SLC29A3: variants seen among roughly 807,000 people sequenced by gnomAD.
SLC29A3 encodes equilibrative nucleoside transporter 3.
A neutral mutation model predicts 25.4 loss-of-function variants in SLC29A3; 18 were observed. The ratio of observed to expected loss-of-function variants is 0.71; its 90% CI spans 0.49 to 1.05. The LOEUF is 1.05. Ranked by LOEUF, SLC29A3 falls within the 50% of genes least tolerant of loss-of-function variation. SLC29A3 has a pLI of 0.00. For missense variants in SLC29A3, 586 were observed against 609.0 expected, an observed-to-expected ratio of 0.96 and a Z score of 0.40; for synonymous variants, 258 against 267.1, an observed-to-expected ratio of 0.97 and a Z score of 0.33.
chr10:71,347,294 T>C (rs1443744494), intron 3 of SLC29A3, among the ~76,000 whole-genome samples: 1 of 152,110 alleles, frequency 6.6e-6, no homozygotes, highest in Non-Finnish European at 1.5e-5. Context: ...AAATCATAAG[T>C]GGGGTCCTGA....
At chr10:71,375,893 A>G (rs901286201) in intron 4 of SLC29A3, 1 of 152,212 alleles carries the variant, frequency 6.6e-6, no homozygotes, top group African/African-American at 2.4e-5. Flanking sequence ...TTTTCATTTT[A>G]GCCAAGAAAA....
At chr10:71,321,991 A>G (rs182058010) in intron 1 of SLC29A3, among the ~76,000 whole-genome samples, 3 of 152,348 alleles carry the variant, frequency 2.0e-5, no homozygotes, top group East Asian at 1.9e-4. Flanking sequence ...AGCCCTGGAC[A>G]CTACCAGTTT....
chr10:71,378,706 G>A (rs1847279423), intron 4 of SLC29A3, among the ~76,000 whole-genome samples: 1 of 152,240 alleles, frequency 6.6e-6, no homozygotes, highest in South Asian at 2.1e-4. Flanking sequence ...CCCTCCTAGT[G>A]AGTCTGTGCT....
intron 1 of SLC29A3, among the ~76,000 whole-genome samples, chr10:71,322,135 C>T (rs1348735129): frequency 3.3e-5 from 5 of 152,082 alleles, no homozygotes; most frequent in East Asian, 1.9e-4. Context: ...TCCCCCTCCC[C>T]GCCCCCCACC....
chr10:71,362,275 C>G lies in SLC29A3; in HGVS notation c.1095C>G (p.Leu365=), dbSNP rs1381822078. ...TTGCTGACCTATGTGGCCGGCAGCT[C>G]ACCGCCTGGATCCAGGTGCCAGGGC... ...YNFADLCGRQ[L]TAWIQVPGPN... The change falls in exon 6 of 6, where the codon CTC becomes CTG. Residue 365 remains leucine (L), a synonymous_variant. Transcript: ENST00000373189. 1 of 1,614,096 alleles carries G rather than the reference C, an allele frequency of 6.2e-7. No individual in the cohort carries two copies. Among genetic ancestry groups the G allele is most frequent in the Non-Finnish European group, 8.5e-7 (1 of 1,180,042 alleles).
chr10:71,322,362 T>C (rs1381158402), intron 1 of SLC29A3, among the ~76,000 whole-genome samples: 7 of 152,144 alleles, frequency 4.6e-5, no homozygotes, highest in Non-Finnish European at 1.0e-4. Flanking sequence ...CCATTAAGGG[T>C]CCTAATTCTT....
chr10:71,328,053 C>T (rs1846013425), intron 2 of SLC29A3, among the ~76,000 whole-genome samples: 1 of 152,158 alleles, frequency 6.6e-6, no homozygotes, highest in Non-Finnish European at 1.5e-5. Context: ...TTCTCCTGGC[C>T]ATTCCTTGCT....
intron 4 of SLC29A3, among the ~76,000 whole-genome samples, chr10:71,376,659 A>G (rs1847253959): frequency 6.6e-6 from 1 of 152,226 alleles, no homozygotes; most frequent in African/African-American, 2.4e-5. Context: ...GAGTTTATTC[A>G]AGCCCAAAGC....
downstream of SLC29A3, among the ~76,000 whole-genome samples, chr10:71,367,509 C>A (rs1274932422): frequency 6.6e-6 from 1 of 152,204 alleles, no homozygotes; most frequent in African/African-American, 2.4e-5. Context: ...CACTCCCCAG[C>A]CCACATAGGC....
At chr10:71,331,147 A>G (rs1420569860) in intron 2 of SLC29A3, among the ~76,000 whole-genome samples, 2 of 152,202 alleles carry the variant, frequency 1.3e-5, no homozygotes, top group East Asian at 3.9e-4. Context: ...TTAAAAAAAG[A>G]AAACTCCACT....
intron 4 of SLC29A3, among the ~76,000 whole-genome samples, chr10:71,379,474 T>C (rs967919219): frequency 6.6e-6 from 1 of 152,244 alleles, no homozygotes; most frequent in Non-Finnish European, 1.5e-5. Context: ...ATTCCTTATA[T>C]GAAAGAAGTA....
intron 2 of SLC29A3, among the ~76,000 whole-genome samples, chr10:71,337,734 G>A (rs114685198): frequency 9.8e-4 from 149 of 152,298 alleles, no homozygotes; most frequent in African/African-American, 3.4e-3. Flanking sequence ...GGCTCATTTC[G>A]GGGCCTCCCT....
chr10:71,351,310 A>T (rs1469408796), intron 3 of SLC29A3, among the ~76,000 whole-genome samples: 1 of 151,900 alleles, frequency 6.6e-6, no homozygotes. Context: ...CTTCAGCCTC[A>T]CCCCCCTGTG....
At chr10:71,351,459 C>G in intron 3 of SLC29A3, 103 bp from the exon 4 acceptor site, 1 of 984,550 alleles carries the variant, frequency 1.0e-6, no homozygotes. Flanking sequence ...GTGAACAGTC[C>G]TAACTGCTAA....
intron 1 of SLC29A3, among the ~76,000 whole-genome samples, chr10:71,322,325 G>A (rs954991394): frequency 2.0e-5 from 3 of 152,130 alleles, no homozygotes; most frequent in Non-Finnish European, 2.9e-5. Flanking sequence ...ACCTGAAATC[G>A]AAAAGGGTTT....
At position 71,351,501 on chromosome 10, in the gene SLC29A3, G is replaced by T. The variant is rs780667; in HGVS notation, c.384-61G>T. On this transcript the variant is annotated intron_variant, in intron 3 of 5. Transcript: ENST00000373189. ...CTGCTTCCCTTAAGGTGGCTCACCA[G>T]CCCCAGCCCACACAGGAGCCCCGAA... The T allele has an allele frequency of 0.7, 1,053,423 of 1,513,272 alleles. 378,833 individuals carry two copies. Among genetic ancestry groups the T allele is most frequent in the Non-Finnish European group, 0.75 (821,623 of 1,092,326 alleles). 93.7% of individuals were successfully genotyped at this position (1,513,272 alleles called of 1,614,324 possible).
chr10:71,340,605 A>C (rs1422316571), intron 2 of SLC29A3, among the ~76,000 whole-genome samples: 1 of 152,238 alleles, frequency 6.6e-6, no homozygotes, highest in Non-Finnish European at 1.5e-5. Flanking sequence ...ACTGCTGTAC[A>C]TAAAATCCCC....
chr10:71,340,710 G>T (rs902256177), intron 2 of SLC29A3, among the ~76,000 whole-genome samples: 4 of 152,300 alleles, frequency 2.6e-5, no homozygotes, highest in East Asian at 1.9e-4. Context: ...TCACATTTCC[G>T]TAAGTAAAAT....
chr10:71,324,754 G>T (rs1845927349), intron 2 of SLC29A3, among the ~76,000 whole-genome samples: 4 of 152,128 alleles, frequency 2.6e-5, no homozygotes, highest in African/African-American at 9.7e-5. Context: ...TATATGGAGG[G>T]ACAGCTATAC....
Sources: allele counts gnomAD v4.1 joint callset (sites outside exome capture counted in the v4.1 genomes callset), GRCh38; gene constraint gnomAD v4.1.1; transcripts MANE v1.5; gene names NCBI Gene and HGNC (gene_info 2026-07-23, HGNC 2026-07-21).